PDE10A: variants seen among roughly 807,000 people sequenced by gnomAD.
PDE10A encodes cAMP and cAMP-inhibited cGMP 3',5'-cyclic phosphodiesterase 10A.
A neutral mutation model predicts 97.7 loss-of-function variants in PDE10A; 39 were observed. The ratio of observed to expected loss-of-function variants is 0.40; its 90% CI spans 0.31 to 0.52. PDE10A has a LOEUF of 0.52. Ranked by LOEUF, PDE10A falls within the 20% of genes least tolerant of loss-of-function variation. PDE10A has a pLI of 0.56. For missense variants in PDE10A, 731 were observed against 1,047.8 expected (o/e 0.70, Z 4.17); for synonymous variants, 371 against 376.8 (o/e 0.98, Z 0.18).
intron 2 of PDE10A, among the ~76,000 whole-genome samples, chr6:165,523,449 C>CCCTTAAATAAAGCCACAAACCTATAGT (rs1782251991): frequency 6.6e-6 from 1 of 151,916 alleles, no homozygotes; most frequent in African/African-American, 2.4e-5. Context: ...GAATAGAGAA[C>CCCTTAAATAAAGCCACAAACCTATAGT]CCTTAAATAA....
chr6:165,609,758 A>G (rs959419551), intron 1 of PDE10A, among the ~76,000 whole-genome samples: 4 of 152,190 alleles, frequency 2.6e-5, no homozygotes, highest in African/African-American at 9.6e-5. Flanking sequence ...CCCATTCACA[A>G]TTGCTTCAAA....
At chr6:165,957,217 G>A (rs945092031) in intron 1 of PDE10A, among the ~76,000 whole-genome samples, 56 of 152,272 alleles carry the variant, frequency 3.7e-4, no homozygotes, top group African/African-American at 1.1e-3. Flanking sequence ...CAGTGGGCTC[G>A]TGACTATAAT....
chr6:165,518,557 G>A (rs540841102), intron 2 of PDE10A, among the ~76,000 whole-genome samples: 16 of 152,204 alleles, frequency 1.1e-4, no homozygotes, highest in South Asian at 6.2e-4. Context: ...TGTTCAAGTC[G>A]CCCTCACTTT....
chr6:165,924,135 T>C (rs1378032410), intron 1 of PDE10A, among the ~76,000 whole-genome samples: 3 of 152,156 alleles, frequency 2.0e-5, no homozygotes, highest in Non-Finnish European at 4.4e-5. Context: ...TATAACTCGT[T>C]GTTTCCGTGT....
At chr6:165,451,142 C>T (rs888686218) in intron 3 of PDE10A, among the ~76,000 whole-genome samples, 2 of 152,094 alleles carry the variant, frequency 1.3e-5, no homozygotes, top group African/African-American at 2.4e-5. Flanking sequence ...TGCTCTCATC[C>T]CTGCCACCAT....
At chr6:165,543,289 CT>C (rs1264903148) in intron 2 of PDE10A, 150 bp downstream of exon 2, 1 of 515,416 alleles carries the variant, frequency 1.9e-6, no homozygotes, top group African/African-American at 2.0e-5. Flanking sequence ...CTCTAACTTA[CT>C]TTATCTTTTT....
rs571363238 is a variant in PDE10A at position 165,366,272 on chromosome 6, C to T, written c.2783+12922G>A. Among the ~76,000 whole-genome samples the T allele has an allele frequency of 1.0e-3, 154 of 152,210 alleles. 1 individual carries two copies. Among genetic ancestry groups the T allele is most frequent in the Non-Finnish European group, 1.9e-3 (131 of 67,998 alleles). ...TATTGTGTTGTAAATTCTAGCTATG[C>T]AGTCAGATCAGAAAGCAAAATACAT... On this transcript the variant is annotated intron_variant, in intron 18 of 21. Coordinates refer to ENST00000539869, the MANE Select transcript of PDE10A (RefSeq NM_001385079.1).
At chr6:165,968,659 T>C (rs1784584583) in intron 1 of PDE10A, among the ~76,000 whole-genome samples, 1 of 152,248 alleles carries the variant, frequency 6.6e-6, no homozygotes, top group Non-Finnish European at 1.5e-5. Context: ...AACTGGGGCT[T>C]CCTTGTAAAC....
intron 1 of PDE10A, among the ~76,000 whole-genome samples, chr6:165,800,071 G>T (rs1433805064): frequency 2.0e-5 from 3 of 152,332 alleles, no homozygotes; most frequent in Non-Finnish European, 2.9e-5. Flanking sequence ...TTGACAGTGA[G>T]ACCCGTGGCA....
chr6:165,557,827 A>G (rs1288465123), intron 1 of PDE10A, among the ~76,000 whole-genome samples: 1 of 152,216 alleles, frequency 6.6e-6, no homozygotes, highest in Non-Finnish European at 1.5e-5. Context: ...AAGGGAACTC[A>G]AAAAACGAAG....
chr6:165,862,052 G>A (rs1282397933), intron 1 of PDE10A, among the ~76,000 whole-genome samples: 2 of 152,228 alleles, frequency 1.3e-5, no homozygotes, highest in Non-Finnish European at 2.9e-5. Context: ...AGCAGCCACT[G>A]TGGTGGGGCC....
At chr6:165,579,032 A>C (rs531174905) in intron 1 of PDE10A, among the ~76,000 whole-genome samples, 2 of 152,342 alleles carry the variant, frequency 1.3e-5, no homozygotes, top group East Asian at 1.9e-4. Context: ...CATCTCAGAC[A>C]GAAGGAACAG....
chr6:165,654,816 C>T (rs188852383), intron 1 of PDE10A, among the ~76,000 whole-genome samples: 2 of 152,310 alleles, frequency 1.3e-5, no homozygotes, highest in Admixed American at 1.3e-4. Flanking sequence ...AACTCACCTG[C>T]TCTCTGGAGC....
At chr6:165,828,905 A>T (rs867013925) in intron 1 of PDE10A, among the ~76,000 whole-genome samples, 1 of 152,224 alleles carries the variant, frequency 6.6e-6, no homozygotes, top group Non-Finnish European at 1.5e-5. Flanking sequence ...AAAAAAGGCT[A>T]ATTTAAGGTA....
chr6:165,845,994 AG>A (rs769550037), intron 1 of PDE10A, among the ~76,000 whole-genome samples: 3 of 152,058 alleles, frequency 2.0e-5, no homozygotes, highest in Non-Finnish European at 4.4e-5. Context: ...AAAGAAAAAA[AG>A]GTGTCTGAAT....
chr6:165,380,506 C>A (rs1422963259), intron 17 of PDE10A, among the ~76,000 whole-genome samples: 1 of 152,190 alleles, frequency 6.6e-6, no homozygotes, highest in Non-Finnish European at 1.5e-5. Context: ...ATAAATGCAG[C>A]AAATGGACTC....
At chr6:165,814,326 C>T (rs976328436) in intron 1 of PDE10A, among the ~76,000 whole-genome samples, 5 of 152,100 alleles carry the variant, frequency 3.3e-5, no homozygotes, top group Admixed American at 6.5e-5. Flanking sequence ...CTCCACCGCC[C>T]GTAACATGGG....
At chr6:165,790,343 A>T (rs1321178956) in intron 1 of PDE10A, among the ~76,000 whole-genome samples, 1 of 152,216 alleles carries the variant, frequency 6.6e-6, no homozygotes, top group Non-Finnish European at 1.5e-5. Context: ...ATATCAGAAA[A>T]GATTTCTGAC....
At chr6:165,979,149 T>C (rs1406941687) in intron 1 of PDE10A, among the ~76,000 whole-genome samples, 5 of 152,152 alleles carry the variant, frequency 3.3e-5, no homozygotes, top group Admixed American at 3.3e-4. Flanking sequence ...TGTCTGAAAA[T>C]GGCTTGAAAG....
Sources: gnomAD v4.1 joint callset for allele counts (sites outside exome capture counted in the v4.1 genomes callset) on GRCh38, gnomAD v4.1.1 for gene constraint, MANE v1.5 for transcripts, NCBI Gene and HGNC (gene_info 2026-07-23, HGNC 2026-07-21) for gene names.